The following DNAI2 variants were observed in gnomAD, a reference collection of about 807,000 sequenced individuals.
DNAI2 encodes dynein axonemal intermediate chain 2.
In DNAI2, 63 loss-of-function variants were observed where a neutral mutation model predicts 74.7. The observed-to-expected ratio is 0.84, with a 90% CI of 0.69 to 1.04. DNAI2 has a LOEUF of 1.04. DNAI2 is among the 50% of genes least tolerant of loss of function. The pLI, the probability that DNAI2 is intolerant of heterozygous loss-of-function variation, is 0.00. For synonymous variants in DNAI2, 289 were observed against 314.9 expected (o/e 0.92, Z 0.87); for missense variants, 688 against 803.2 (o/e 0.86, Z 1.73).
chr17:74,309,389 GT>G lies in DNAI2; in HGVS notation c.1347+2del, dbSNP rs1567875408. 1 of 1,614,182 alleles carries G rather than the reference GT, an allele frequency of 6.2e-7. No homozygotes were observed. Among genetic ancestry groups the G allele is most frequent in the Admixed American group, 1.7e-5 (1 of 60,020 alleles). On this transcript the variant is annotated splice_donor_variant, in intron 10 of 13. Transcript: ENST00000311014. LOFTEE classifies it high-confidence loss of function. ...GTGCGATCCCACCCTCAGCTTGAAG[GT>G]CACGCGCATGTCCCTCCTTGTGCAT...
rs1262236006 is a variant in DNAI2 at position 74,299,713 on chromosome 17, A to G, written c.725-5A>G. The G allele has an allele frequency of 6.2e-7, 1 of 1,612,666 alleles. No homozygotes were observed. The highest frequency in any genetic ancestry group is 1.7e-5 in the Admixed American group (1 of 59,976). ...CCACTCCTTCTTCATCTCCTTCCTC[A>G]CCAGCCTGCTGGGACACCCGAAAGG... On this transcript the variant is annotated splice_polypyrimidine_tract_variant and splice_region_variant and intron_variant, in intron 6 of 13. Transcript: ENST00000311014.
intron 2 of DNAI2, among the ~76,000 whole-genome samples, chr17:74,282,706 G>A (rs532365765): frequency 3.3e-5 from 5 of 152,206 alleles, no homozygotes; most frequent in African/African-American, 4.8e-5. Context: ...GGGCCTCCAC[G>A]ATAAGAGAAC....
intron 12 of DNAI2, among the ~76,000 whole-genome samples, chr17:74,312,481 C>T (rs1193436482): frequency 6.6e-6 from 1 of 152,206 alleles, no homozygotes; most frequent in African/African-American, 2.4e-5. Flanking sequence ...CTCCCCTCCC[C>T]CCAGAGAGGG....
At chr17:74,294,195 CT>C (rs201444208) in intron 6 of DNAI2, among the ~76,000 whole-genome samples, 4 of 151,526 alleles carry the variant, frequency 2.6e-5, no homozygotes, top group East Asian at 3.9e-4. Flanking sequence ...TGCCATTTTG[CT>C]TTTTTTTCCT....
At position 74,286,308 on chromosome 17, in the gene DNAI2, A is replaced by ATAATAAT. The variant is rs1267868155; in HGVS notation, c.346-668_346-662dup. Reference sequence around the variant, plus strand: ...AAGACTGTGTCTCAAAATAATAATAATAATAATAATAATAATAATAATAAT... The same window carrying ATAATAAT: ...AAGACTGTGTCTCAAAATAATAATAATAATAATTAATAATAATAATAATAATAATAAT... On this transcript the variant is annotated intron_variant, in intron 3 of 13. Coordinates refer to ENST00000311014, the MANE Select transcript of DNAI2 (RefSeq NM_023036.6). Among the ~76,000 whole-genome samples the ATAATAAT allele has an allele frequency of 2.3e-3, 239 of 104,296 alleles. 4 individuals are homozygous for ATAATAAT. The highest frequency in any genetic ancestry group is 0.011 in the African/African-American group (230 of 20,300). The allele number at this position is 104,296 out of a possible 152,430, so 68.4% of individuals were successfully genotyped here.
chr17:74,314,159 G>A lies in DNAI2; in HGVS notation c.1761G>A (p.Glu587=), dbSNP rs1598353611. Residue 587 remains glutamate (E), a synonymous_variant, in exon 13 of 14, where the codon GAG becomes GAA. Transcript: ENST00000311014. Reference sequence around the variant, plus strand: ...CAGAAGAAGACCAGGTGGTGGAGGAGGGAGAGGAAGCAGCGGGGGAAGAAG... The same window carrying A: ...CAGAAGAAGACCAGGTGGTGGAGGAAGGAGAGGAAGCAGCGGGGGAAGAAG... ...PSPEEDQVVE[E]GEEAAGEEGD... 1 of 1,614,238 alleles carries A rather than the reference G, an allele frequency of 6.2e-7. No homozygotes were observed. Among genetic ancestry groups the A allele is most frequent in the African/African-American group, 1.3e-5 (1 of 75,072 alleles).
At chr17:74,281,346 C>T (rs759934283) in intron 1 of DNAI2, among the ~76,000 whole-genome samples, 26 of 150,256 alleles carry the variant, frequency 1.7e-4, no homozygotes, top group Non-Finnish European at 3.1e-4. Context: ...GCAACGTTCT[C>T]CTCCCGAGTT....
chr17:74,285,456 C>T (rs1598279365), intron 3 of DNAI2, among the ~76,000 whole-genome samples: 1 of 152,280 alleles, frequency 6.6e-6, no homozygotes, highest in East Asian at 1.9e-4. Flanking sequence ...GCAAAGGTGA[C>T]TCCCAAAGTG....
chr17:74,286,362 C>G (rs2051739701), intron 3 of DNAI2, among the ~76,000 whole-genome samples: 1 of 149,466 alleles, frequency 6.7e-6, no homozygotes, highest in Admixed American at 6.7e-5. Flanking sequence ...GCATGGTGTT[C>G]TTCAACCTTT....
At chr17:74,313,368 A>G (rs918622474) in intron 12 of DNAI2, among the ~76,000 whole-genome samples, 1 of 152,122 alleles carries the variant, frequency 6.6e-6, no homozygotes, top group African/African-American at 2.4e-5. Context: ...TTCTTCTCAC[A>G]CTGGGTAATA....
chr17:74,292,402 T>A (rs2052163468), intron 6 of DNAI2, among the ~76,000 whole-genome samples: 1 of 142,374 alleles, frequency 7.0e-6, no homozygotes, highest in Admixed American at 7.9e-5. Context: ...TCCCTTATAA[T>A]CATTTTCTTT....
At chr17:74,295,889 C>T (rs534979181) in intron 6 of DNAI2, among the ~76,000 whole-genome samples, 1 of 152,252 alleles carries the variant, frequency 6.6e-6, no homozygotes, top group South Asian at 2.1e-4. Flanking sequence ...AAGCATTTGT[C>T]ACCAAAAAAT....
intron 8 of DNAI2, among the ~76,000 whole-genome samples, chr17:74,304,179 CTTTTTTCT>C (rs1195937311): frequency 4.2e-4 from 43 of 101,968 alleles, no homozygotes; most frequent in African/African-American, 1.3e-3. Flanking sequence ...TTTTCTTTTT[CTTTTTTCT>C]TTTTTTTTTT....
intron 8 of DNAI2, among the ~76,000 whole-genome samples, chr17:74,304,012 C>T (rs950679813): frequency 1.3e-5 from 2 of 151,286 alleles, no homozygotes; most frequent in African/African-American, 4.9e-5. Context: ...GTGGTCCCTA[C>T]GTGGGAGGCT....
At chr17:74,304,186 C>CTTTTTTTTTTTTTTTTTTTTTTTTT (rs56696514) in intron 8 of DNAI2, among the ~76,000 whole-genome samples, 56 of 67,658 alleles carry the variant, frequency 8.3e-4, no homozygotes, top group Non-Finnish European at 9.2e-4. Flanking sequence ...TTTCTTTTTT[C>CTTTTTTTTTTTTTTTTTTTTTTTTT]TTTTTTTTTT....
chr17:74,284,020 C>T (rs1056773459), intron 2 of DNAI2, among the ~76,000 whole-genome samples: 3 of 151,978 alleles, frequency 2.0e-5, no homozygotes, highest in Non-Finnish European at 2.9e-5. Context: ...CACCTGTAAT[C>T]CCAGCTACTG....
At chr17:74,314,066 G>A (rs1009311530) in intron 12 of DNAI2, 55 bp from the exon 13 acceptor site, 87 of 1,612,202 alleles carry the variant, frequency 5.4e-5, no homozygotes, top group Middle Eastern at 1.6e-4. Flanking sequence ...CCAGGGGAGT[G>A]GGGAAGGCCT....
chr17:74,314,591 C>A lies in DNAI2; in HGVS notation c.*58C>A, dbSNP rs2053722869. On this transcript the variant is annotated splice_region_variant and 3_prime_UTR_variant, in exon 14 of 14. Transcript: ENST00000311014. ...CATTTTCGTTTGTAACCTTGCAGAC[C>A]CTCAACCAGACTTGCATGGCCATGG... The A allele has an allele frequency of 3.5e-6, 1 of 289,672 alleles. No homozygotes were observed. Among genetic ancestry groups the A allele is most frequent in the South Asian group, 3.3e-5 (1 of 30,096 alleles). The allele number at this position is 289,672 out of a possible 1,614,324, so 17.9% of individuals were successfully genotyped here.
intron 2 of DNAI2, among the ~76,000 whole-genome samples, chr17:74,284,254 C>T (rs1179640824): frequency 2.0e-5 from 3 of 149,402 alleles, no homozygotes; most frequent in Non-Finnish European, 4.4e-5. Flanking sequence ...GGGAAAGTGG[C>T]GACACCCACG....
Sources: allele counts gnomAD v4.1 joint callset (sites outside exome capture counted in the v4.1 genomes callset), GRCh38; gene constraint gnomAD v4.1.1; transcripts MANE v1.5; gene names NCBI Gene and HGNC (gene_info 2026-07-23, HGNC 2026-07-21).